TSHZ2: variants seen among roughly 807,000 people sequenced by gnomAD.
The protein encoded by TSHZ2 is teashirt homolog 2.
Under a neutral mutation model 74.4 loss-of-function variants are expected in TSHZ2, and 21 were observed. The ratio of observed to expected loss-of-function variants is 0.28; its 90% CI spans 0.20 to 0.41. The LOEUF is 0.41. Ranked by LOEUF, TSHZ2 falls within the 10% of genes least tolerant of loss-of-function variation. TSHZ2 has a pLI of 1.00. For missense variants in TSHZ2, 1,244 were observed against 1,293.5 expected (o/e 0.96, Z 0.59); for synonymous variants, 540 against 515.3 (o/e 1.05, Z -0.65).
At chr20:53,038,173 C>T (rs979909522) in intron 1 of TSHZ2, among the ~76,000 whole-genome samples, 3 of 122,490 alleles carry the variant, frequency 2.4e-5, no homozygotes, top group Admixed American at 2.2e-4. Flanking sequence ...GCCTGGGCGA[C>T]AAGAGCGGGA....
At chr20:53,155,410 C>T (rs1019900310) in intron 1 of TSHZ2, among the ~76,000 whole-genome samples, 1 of 151,842 alleles carries the variant, frequency 6.6e-6, no homozygotes, top group Non-Finnish European at 1.5e-5. Flanking sequence ...AAAAGGAACC[C>T]GTGGGATATA....
At chr20:53,240,232 A>G (rs1057010920) in intron 1 of TSHZ2, among the ~76,000 whole-genome samples, 7 of 152,268 alleles carry the variant, frequency 4.6e-5, no homozygotes, top group Admixed American at 3.9e-4. Flanking sequence ...CCAATCACCA[A>G]TTGGCTTAGA....
At chr20:53,472,905 C>T (rs1336883647) in intron 2 of TSHZ2, among the ~76,000 whole-genome samples, 1 of 152,128 alleles carries the variant, frequency 6.6e-6, no homozygotes, top group Non-Finnish European at 1.5e-5. Flanking sequence ...CGGACGGCAC[C>T]TGGAAATCGG....
In TSHZ2 at chr20:53,487,389, A is replaced by G. The variant is rs929676558; in HGVS notation, c.*254A>G. On this transcript the variant is annotated 3_prime_UTR_variant, in exon 3 of 3. Coordinates refer to ENST00000371497, the MANE Select transcript of TSHZ2 (RefSeq NM_173485.6). ...TATGGGCGGTATTAGATTTTCATTG[A>G]TAAATTGCAATGGGGCTGTCTCGTC... 1 of 151,838 alleles carries G rather than the reference A, an allele frequency of 6.6e-6. No homozygotes were observed. The highest frequency in any genetic ancestry group is 6.6e-5 in the Admixed American group (1 of 15,234). The allele number at this position is 151,838 out of a possible 1,614,324, so 9.4% of individuals were successfully genotyped here. A position where few individuals can be genotyped will look rare whatever the true frequency, so the allele number is the denominator to read the frequency against.
intron 2 of TSHZ2, among the ~76,000 whole-genome samples, chr20:53,425,618 T>C (rs1338428341): frequency 6.6e-6 from 1 of 152,210 alleles, no homozygotes; most frequent in Admixed American, 6.5e-5. Context: ...AAGAGCCAGA[T>C]GGTAAACATT....
chr20:53,337,877 A>T (rs528052315), intron 2 of TSHZ2, among the ~76,000 whole-genome samples: 7 of 152,256 alleles, frequency 4.6e-5, no homozygotes, highest in Admixed American at 3.3e-4. Context: ...TAGAGCAGAC[A>T]TTGGGAAACT....
intron 2 of TSHZ2, among the ~76,000 whole-genome samples, chr20:53,377,246 A>G (rs1481733505): frequency 6.6e-6 from 1 of 152,208 alleles, no homozygotes; most frequent in Non-Finnish European, 1.5e-5. Context: ...CTGATGGGCT[A>G]GAGAAGGACC....
At chr20:53,162,702 G>A (rs1181869962) in intron 1 of TSHZ2, among the ~76,000 whole-genome samples, 1 of 152,114 alleles carries the variant, frequency 6.6e-6, no homozygotes, top group Admixed American at 6.5e-5. Flanking sequence ...GGAAAGGAGG[G>A]GCTATGCTCC....
chr20:53,011,152 T>C (rs1357096379), intron 1 of TSHZ2, among the ~76,000 whole-genome samples: 1 of 152,216 alleles, frequency 6.6e-6, no homozygotes, highest in African/African-American at 2.4e-5. Context: ...AATTTTACTG[T>C]GAAAAGTCCT....
At chr20:53,411,646 T>C (rs940994894) in intron 2 of TSHZ2, among the ~76,000 whole-genome samples, 6 of 152,066 alleles carry the variant, frequency 3.9e-5, no homozygotes, top group East Asian at 1.9e-4. Flanking sequence ...CTGGGCAACA[T>C]AGTGAGACCT....
intron 2 of TSHZ2, among the ~76,000 whole-genome samples, chr20:53,267,411 T>G (rs1990743649): frequency 6.6e-6 from 1 of 152,220 alleles, no homozygotes; most frequent in South Asian, 2.1e-4. Context: ...TCTTTTAATA[T>G]TTCAGCCTCT....
chr20:53,181,147 A>G (rs1988458014), intron 1 of TSHZ2, among the ~76,000 whole-genome samples: 2 of 152,126 alleles, frequency 1.3e-5, no homozygotes. Flanking sequence ...GGAAGAACTT[A>G]CCCTGGCCCC....
At chr20:53,182,095 TTTCCTTCC>T (rs757937239) in intron 1 of TSHZ2, among the ~76,000 whole-genome samples, 13 of 151,354 alleles carry the variant, frequency 8.6e-5, no homozygotes, top group South Asian at 2.1e-4. Flanking sequence ...CCTGCCTTCC[TTTCCTTCC>T]TTCCTTCCTT....
chr20:53,305,665 C>T (rs1978505989), intron 2 of TSHZ2, among the ~76,000 whole-genome samples: 1 of 152,134 alleles, frequency 6.6e-6, no homozygotes, highest in South Asian at 2.1e-4. Flanking sequence ...TTTCTGGGCA[C>T]CACGGATGTA....
chr20:53,000,587 T>C (rs1028519467), intron 1 of TSHZ2, among the ~76,000 whole-genome samples: 1 of 152,192 alleles, frequency 6.6e-6, no homozygotes, highest in Admixed American at 6.5e-5. Context: ...AAAATAATAA[T>C]ACAGGCAGTA....
At chr20:53,480,494 G>T (rs1464511787) in intron 2 of TSHZ2, among the ~76,000 whole-genome samples, 6 of 151,680 alleles carry the variant, frequency 4.0e-5, no homozygotes, top group African/African-American at 1.5e-4. Flanking sequence ...TTGAGCCCAG[G>T]AGATCAAGGC....
chr20:53,447,450 C>CT (rs1984597862), intron 2 of TSHZ2, among the ~76,000 whole-genome samples: 1 of 152,250 alleles, frequency 6.6e-6, no homozygotes, highest in Non-Finnish European at 1.5e-5. Context: ...CTTAACCCAA[C>CT]TTCCCCTAAT....
At chr20:53,486,930 G>A (rs1041354316) in intron 2 of TSHZ2, among the ~76,000 whole-genome samples, 1 of 152,088 alleles carries the variant, frequency 6.6e-6, no homozygotes, top group African/African-American at 2.4e-5. Context: ...TCCCACTTAT[G>A]AGTGAGAACA....
chr20:53,311,267 G>GA (rs2145501209), intron 2 of TSHZ2, among the ~76,000 whole-genome samples: 1 of 152,290 alleles, frequency 6.6e-6, no homozygotes, highest in East Asian at 1.9e-4. Context: ...ACATTACCTT[G>GA]AACTGTAATT....
Sources: gnomAD v4.1 joint callset for allele counts (sites outside exome capture counted in the v4.1 genomes callset) on GRCh38, gnomAD v4.1.1 for gene constraint, MANE v1.5 for transcripts, NCBI Gene and HGNC (gene_info 2026-07-23, HGNC 2026-07-21) for gene names.